SYNE3: variants seen among roughly 807,000 people sequenced by gnomAD.
SYNE3 encodes spectrin repeat containing nuclear envelope family member 3.
In SYNE3, 100 loss-of-function variants were observed where a neutral mutation model predicts 111.2. The ratio of observed to expected loss-of-function variants is 0.90; its 90% CI spans 0.77 to 1.06. The LOEUF is 1.06. Among genes scored for constraint, SYNE3 ranks in the 50% least tolerant of loss-of-function variants. The pLI is 0.00. For missense variants in SYNE3, 1,160 were observed against 1,240.3 expected, an observed-to-expected ratio of 0.94 and a Z score of 0.97; for synonymous variants, 547 against 533.9, an observed-to-expected ratio of 1.02 and a Z score of -0.34.
Position 95,436,940 on chromosome 14 carries a change from G to A in SYNE3, c.2418C>T (p.Phe806=), listed in dbSNP as rs1301642717. 1.9e-6 allele frequency: 3 copies of A among 1,613,694 alleles called. No individual in the cohort carries two copies. Among genetic ancestry groups the A allele is most frequent in the Non-Finnish European group, 2.5e-6 (3 of 1,179,974 alleles). Residue 806 remains phenylalanine, a synonymous_variant, in exon 15 of 18, where the codon TTC becomes TTT. Transcript: ENST00000682763. ...GCCCAAAGTTCCTCAGGAGCTGGGAGAAATCTTCATGGCTCCCTTCTTCTT... is the reference window on the plus strand; with the variant it reads ...GCCCAAAGTTCCTCAGGAGCTGGGAAAAATCTTCATGGCTCCCTTCTTCTT... ...LQEEEGSHED[F]SQLLRNFGQW...
rs537306404 is a variant in SYNE3 at position 95,513,368 on chromosome 14, G to C, written c.-15+3228C>G. ...TAGGATTCTCTATACCACGTCTGCA[G>C]CCTAGAAACCCAGGCGAGAGATCCA... On this transcript the variant is annotated intron_variant, in intron 1 of 17. Coordinates refer to ENST00000682763, the MANE Select transcript of SYNE3 (RefSeq NM_152592.6). 3.3e-5 allele frequency among the ~76,000 whole-genome samples: 5 copies of C among 152,248 alleles called. No homozygotes were observed. In the East Asian group the frequency reaches 9.6e-4, roughly 29 times the overall value.
intron 1 of SYNE3, among the ~76,000 whole-genome samples, chr14:95,505,528 A>T (rs1052345144): frequency 2.6e-5 from 4 of 152,178 alleles, no homozygotes; most frequent in Non-Finnish European, 4.4e-5. Context: ...CAGTGTGGCC[A>T]TTTGTGCATT....
rs1903630381 is a variant in SYNE3, at chr14:95,417,844, A to G, written c.2910T>C (p.Asn970=). 1 of 1,614,198 alleles carries G rather than the reference A, an allele frequency of 6.2e-7. No individual in the cohort carries two copies. The highest frequency in any genetic ancestry group is 8.5e-7 in the Non-Finnish European group (1 of 1,180,016). Reference sequence around the variant, plus strand: ...CAGTGGGTTAGGTGGGTGGTGGGCCATTGTAGCGCAGCATGAGCGTGAAGG... The same window carrying G: ...CAGTGGGTTAGGTGGGTGGTGGGCCGTTGTAGCGCAGCATGAGCGTGAAGG... ...ARSFTLMLRY[N]GPPPT Residue 970 remains asparagine (N), a synonymous_variant, in exon 18 of 18, where the codon AAT becomes AAC. Transcript: ENST00000682763.
intron 2 of SYNE3, among the ~76,000 whole-genome samples, chr14:95,469,531 C>CA (rs71132350): frequency 0.061 from 6,016 of 98,128 alleles, 136 homozygotes; most frequent in African/African-American, 0.13. Flanking sequence ...CATGTCTCTA[C>CA]AAAAAAAAAA....
intron 9 of SYNE3, among the ~76,000 whole-genome samples, chr14:95,444,837 C>T (rs1566964973): frequency 6.6e-6 from 1 of 152,194 alleles, no homozygotes; most frequent in African/African-American, 2.4e-5. Flanking sequence ...AACACTTTGG[C>T]CACATCCCTC....
chr14:95,493,782 G>C (rs1447681410), intron 1 of SYNE3, among the ~76,000 whole-genome samples: 1 of 152,158 alleles, frequency 6.6e-6, no homozygotes, highest in Non-Finnish European at 1.5e-5. Flanking sequence ...TGAGCGCCAG[G>C]GTTCTCAACC....
intron 17 of SYNE3, among the ~76,000 whole-genome samples, chr14:95,424,309 G>A (rs1885319251): frequency 6.6e-6 from 1 of 152,008 alleles, no homozygotes; most frequent in South Asian, 2.1e-4. Flanking sequence ...ACCAGATGGT[G>A]CATGAACCAC....
In SYNE3 at chr14:95,485,024, G is replaced by A. The variant is rs1419833096; in HGVS notation, c.-14-9189C>T. Among the ~76,000 whole-genome samples, 2 of 152,108 alleles carry A rather than the reference G, an allele frequency of 1.3e-5. No individual in the cohort carries two copies. The highest frequency in any genetic ancestry group is 1.5e-5 in the Non-Finnish European group (1 of 68,012). On this transcript the variant is annotated intron_variant, in intron 1 of 17. Transcript: ENST00000682763. The surrounding 1 kb of genome is among the most constrained non-coding windows in gnomAD (Gnocchi z 4.3). ...CATTTCTAATGAGTATTTAGGTAAC[G>A]TTGACACTGCTGCTCCAGGACCTCA...
intron 4 of SYNE3, among the ~76,000 whole-genome samples, chr14:95,463,710 T>C (rs1010817625): frequency 2.0e-4 from 30 of 152,236 alleles, no homozygotes; most frequent in Admixed American, 1.8e-3. Flanking sequence ...GCCTTGCCCA[T>C]CCATTCTGGG....
intron 1 of SYNE3, among the ~76,000 whole-genome samples, chr14:95,503,813 T>C (rs1890430165): frequency 6.6e-6 from 1 of 151,900 alleles, no homozygotes; most frequent in Non-Finnish European, 1.5e-5. Context: ...TAGAGATGGG[T>C]CTCACCATGT....
At chr14:95,504,429 A>C (rs1011733725) in intron 1 of SYNE3, among the ~76,000 whole-genome samples, 9 of 152,228 alleles carry the variant, frequency 5.9e-5, no homozygotes, top group Non-Finnish European at 1.3e-4. Context: ...ACTGTGACAC[A>C]ATCTGGATAG....
intron 8 of SYNE3, among the ~76,000 whole-genome samples, chr14:95,446,530 T>TC (rs1886729962): frequency 6.6e-6 from 1 of 152,132 alleles, no homozygotes. Context: ...CTTGATCCTC[T>TC]ACTCAGTGAT....
Position 95,415,654 on chromosome 14 carries a change from G to A in SYNE3, c.*2172C>T, listed in dbSNP as rs1903557395. 1 of 150,346 alleles carries A rather than the reference G, an allele frequency of 6.7e-6. No individual in the cohort carries two copies. The highest frequency in any genetic ancestry group is 6.6e-5 in the Admixed American group (1 of 15,084). The allele number at this position is 150,346 out of a possible 1,614,324, so 9.3% of individuals were successfully genotyped here. The stretch of plus-strand genomic sequence containing the variant: ...GTTTTCCAAAGAAAAGTGTTGTTTG[G>A]AGGAGCATAATTATAAGCCTACAGC... On this transcript the variant is annotated 3_prime_UTR_variant, in exon 18 of 18. Transcript: ENST00000682763.
At chr14:95,476,263 G>T (rs747722516) in intron 1 of SYNE3, among the ~76,000 whole-genome samples, 1 of 152,198 alleles carries the variant, frequency 6.6e-6, no homozygotes, top group Non-Finnish European at 1.5e-5. Context: ...CACTGTTCTG[G>T]GCATGGGCCA....
Position 95,426,555 on chromosome 14 carries a change from A to C in SYNE3, c.2727+5524T>G, listed in dbSNP as rs149341255. Reference sequence around the variant, plus strand: ...GACCAAGCACACGTGTTCCCAGCACAGTGCCTGACACACAAGAGGGATTTT... The same window carrying C: ...GACCAAGCACACGTGTTCCCAGCACCGTGCCTGACACACAAGAGGGATTTT... On this transcript the variant is annotated intron_variant, in intron 17 of 17. Transcript: ENST00000682763. 7.1e-3 allele frequency among the ~76,000 whole-genome samples: 1,083 copies of C among 152,330 alleles called. 13 individuals are homozygous for C. Among genetic ancestry groups the C allele is most frequent in the African/African-American group, 0.025 (1,024 of 41,576 alleles).
intron 8 of SYNE3, among the ~76,000 whole-genome samples, chr14:95,447,704 C>T (rs57893116): frequency 6.6e-6 from 1 of 152,134 alleles, no homozygotes; most frequent in Admixed American, 6.6e-5. Context: ...CACCTTTACC[C>T]CCTTTTCACC....
chr14:95,455,466 C>T lies in SYNE3; in HGVS notation c.1048G>A (p.Val350Ile). Residue 350 changes from valine (V) to isoleucine (I), a missense_variant, in exon 6 of 18, where the codon GTC becomes ATC. By Grantham distance (29) the Val-to-Ile change is conservative. Transcript: ENST00000682763. ...LEAELSEFRM[V>I]LQRLAQEGLQ... ...CCCTCCTGGGCCAGCCTCTGCAGGA[C>T]CATCCTGAACTCACTGAGCTCAGCC... 1 of 1,612,774 alleles carries T rather than the reference C, an allele frequency of 6.2e-7. No individual in the cohort carries two copies.
At chr14:95,457,900 C>A (rs750479262) in intron 4 of SYNE3, among the ~76,000 whole-genome samples, 1 of 152,162 alleles carries the variant, frequency 6.6e-6, no homozygotes, top group Non-Finnish European at 1.5e-5. Context: ...ATGCTAGAAA[C>A]CAGCATTTCT....
At chr14:95,462,096 T>A (rs527872529) in intron 4 of SYNE3, among the ~76,000 whole-genome samples, 8 of 152,306 alleles carry the variant, frequency 5.3e-5, no homozygotes, top group African/African-American at 1.4e-4. Context: ...ACCCTCTGGA[T>A]CCACGAAAGC....
Sources: allele counts gnomAD v4.1 joint callset (sites outside exome capture counted in the v4.1 genomes callset), GRCh38; gene constraint gnomAD v4.1.1; non-coding constraint Gnocchi (gnomAD v3.1); transcripts MANE v1.5; gene names NCBI Gene and HGNC (gene_info 2026-07-23, HGNC 2026-07-21).